The following ADGRV1 variants were observed in gnomAD, a reference collection of about 807,000 sequenced individuals.
The protein encoded by ADGRV1 is adhesion G protein-coupled receptor V1, also known as G-protein coupled receptor 98.
In ADGRV1, 359 loss-of-function variants were observed where a neutral mutation model predicts 596.2. The observed-to-expected ratio is 0.60, with a 90% CI of 0.55 to 0.66. The LOEUF (loss-of-function observed/expected upper bound fraction) is 0.66. ADGRV1 is among the 30% of genes least tolerant of loss of function. ADGRV1 has a pLI of 0.00. For missense variants in ADGRV1, 7,274 were observed against 7,575.6 expected, an observed-to-expected ratio of 0.96 and a Z score of 1.48; for synonymous variants, 2,681 against 2,679.2, an observed-to-expected ratio of 1.00 and a Z score of -0.02.
intron 77 of ADGRV1, among the ~76,000 whole-genome samples, chr5:90,834,748 T>C (rs1764814567): frequency 6.6e-6 from 1 of 152,018 alleles, no homozygotes; most frequent in Non-Finnish European, 1.5e-5. Context: ...TCTATCTCTC[T>C]CTTTACATCC....
intron 52 of ADGRV1, among the ~76,000 whole-genome samples, chr5:90,749,932 T>C (rs1252853576): frequency 2.6e-5 from 4 of 152,132 alleles, no homozygotes; most frequent in African/African-American, 4.8e-5. Context: ...GTAAAGGCCA[T>C]GAGCTAAGGA....
intron 61 of ADGRV1, among the ~76,000 whole-genome samples, chr5:90,777,186 AGGTGGAAGG>A (rs1353364032): frequency 1.3e-5 from 2 of 152,158 alleles, no homozygotes; most frequent in Non-Finnish European, 2.9e-5. Context: ...TGGCTGGAGC[AGGTGGAAGG>A]GGTGGAGGGG....
At chr5:90,838,871 C>T (rs893119074) in intron 77 of ADGRV1, among the ~76,000 whole-genome samples, 7 of 152,054 alleles carry the variant, frequency 4.6e-5, no homozygotes, top group African/African-American at 1.7e-4. Context: ...GAAAAAAAAC[C>T]CAAAATGAAA....
rs1392128069 is a variant in ADGRV1, at chr5:90,817,512, G to A, written c.16196+1776G>A. On this transcript the variant is annotated intron_variant, in intron 75 of 89. Coordinates refer to ENST00000405460, the MANE Select transcript of ADGRV1 (RefSeq NM_032119.4). ...CCATGCCTGTGTCCTGAATGGTAAT[G>A]CCTAGGTTTTCTTCTAGGGTTTTTA... Among the ~76,000 whole-genome samples the A allele has an allele frequency of 6.2e-3, 942 of 151,694 alleles. 5 individuals are homozygous for A. Among genetic ancestry groups the A allele is most frequent in the Middle Eastern group, 0.027 (8 of 294 alleles).
At chr5:91,102,773 G>C (rs1220963154) in intron 87 of ADGRV1, among the ~76,000 whole-genome samples, 1 of 152,192 alleles carries the variant, frequency 6.6e-6, no homozygotes, top group Non-Finnish European at 1.5e-5. Context: ...AGTGAAATGA[G>C]AGTGTTTGGT....
chr5:90,721,103 A>G, intron 45 of ADGRV1, 44 bp downstream of exon 45: 6 of 1,548,614 alleles, frequency 3.9e-6, no homozygotes, highest in South Asian at 3.5e-5. Context: ...TAACGAAAAA[A>G]TATTGCATGT....
chr5:90,770,525 T>C (rs1185003171), intron 59 of ADGRV1, among the ~76,000 whole-genome samples: 1 of 152,200 alleles, frequency 6.6e-6, no homozygotes. Context: ...TAGAAAGATT[T>C]TAATCTTTAG....
chr5:90,978,336 C>G (rs577816512), intron 84 of ADGRV1, among the ~76,000 whole-genome samples: 193 of 142,308 alleles, frequency 1.4e-3, no homozygotes, highest in African/African-American at 5.1e-3. Context: ...TTGTTTCATT[C>G]TTCCCCTCTT....
At chr5:90,997,480 C>A (rs1210398865) in intron 85 of ADGRV1, among the ~76,000 whole-genome samples, 3 of 152,138 alleles carry the variant, frequency 2.0e-5, no homozygotes, top group Non-Finnish European at 4.4e-5. Flanking sequence ...TCCTTTACAG[C>A]CTGCAGAACT....
At chr5:90,912,153 A>AG (rs1204872147) in intron 83 of ADGRV1, among the ~76,000 whole-genome samples, 3 of 152,090 alleles carry the variant, frequency 2.0e-5, no homozygotes, top group African/African-American at 7.2e-5. Flanking sequence ...TACGTGGAAA[A>AG]GAGAACCTTG....
At chr5:90,857,331 T>C (rs1252119145) in intron 82 of ADGRV1, among the ~76,000 whole-genome samples, 4 of 152,046 alleles carry the variant, frequency 2.6e-5, no homozygotes. Context: ...CATAGAGGCA[T>C]AGGTTTATGT....
At chr5:90,796,644 G>C (rs1185716686) in intron 70 of ADGRV1, among the ~76,000 whole-genome samples, 1 of 152,148 alleles carries the variant, frequency 6.6e-6, no homozygotes, top group Non-Finnish European at 1.5e-5. Context: ...TACCCCTTGA[G>C]AAGAGCAACC....
intron 67 of ADGRV1, 79 bp downstream of exon 67, chr5:90,784,136 T>A: frequency 1.2e-6 from 1 of 861,568 alleles, no homozygotes; most frequent in Non-Finnish European, 1.8e-6. Flanking sequence ...ATTGCCCAAG[T>A]ATATTTCTTT....
At position 90,787,943 on chromosome 5, in the gene ADGRV1, G is replaced by A. The variant is rs114901559; in HGVS notation, c.13654-128G>A. The A allele has an allele frequency of 8.2e-4, 485 of 590,932 alleles. 3 individuals carry two copies. The highest frequency in any genetic ancestry group is 7.9e-3 in the African/African-American group (412 of 52,210). The allele number at this position is 590,932 out of a possible 1,614,324, so 36.6% of individuals were successfully genotyped here. A position where few individuals can be genotyped will look rare whatever the true frequency, so the allele number is the denominator to read the frequency against. On this transcript the variant is annotated intron_variant, in intron 67 of 89. Coordinates refer to ENST00000405460, the MANE Select transcript of ADGRV1 (RefSeq NM_032119.4). ...AAACAAGTTTATGAAACAGGAATTT[G>A]ATGGAATTATCCTAGAATAATTTTC...
Position 90,991,986 on chromosome 5 carries a change from G to A in ADGRV1, c.18152+6464G>A, listed in dbSNP as rs17571071. On this transcript the variant is annotated intron_variant, in intron 85 of 89. Transcript: ENST00000405460. ...CAGGATCTCTTCATGCATTTGCTCA[G>A]GTAGGGATATATTACTGCCTGTGGG... 8.3e-3 allele frequency among the ~76,000 whole-genome samples: 1,268 copies of A among 152,356 alleles called. 5 individuals are homozygous for A. The highest frequency in any genetic ancestry group is 0.012 in the Non-Finnish European group (786 of 68,042).
At chr5:90,872,773 C>T (rs1768817950) in intron 83 of ADGRV1, among the ~76,000 whole-genome samples, 2 of 152,172 alleles carry the variant, frequency 1.3e-5, no homozygotes, top group Non-Finnish European at 2.9e-5. Flanking sequence ...TTCTCCACCC[C>T]TTTACAGAGG....
Position 90,696,988 on chromosome 5 carries a change from A to T in ADGRV1, c.7997A>T (p.Glu2666Val). 1 of 1,613,176 alleles carries T rather than the reference A, an allele frequency of 6.2e-7. No individual in the cohort carries two copies. Residue 2666 changes from glutamate (E) to valine (V), a missense_variant, in exon 34 of 90, where the codon GAG becomes GTG. Physicochemically the swap from Glu to Val is moderately radical, Grantham distance 121. This residue lies in a region of ADGRV1 where 3,643 missense variants were observed against 3,809.2 expected (regional missense o/e 0.96). Transcript: ENST00000405460. ...ILTILDDSEP[E>V]DDESIIVSLV... Reference sequence around the variant, plus strand: ...ACCATCTTGGATGACTCTGAACCAGAGGATGACGAAAGTATCATAGTTAGT... The same window carrying T: ...ACCATCTTGGATGACTCTGAACCAGTGGATGACGAAAGTATCATAGTTAGT...
At chr5:90,697,536 T>A (rs1490774604) in intron 34 of ADGRV1, among the ~76,000 whole-genome samples, 1 of 150,954 alleles carries the variant, frequency 6.6e-6, no homozygotes, top group Non-Finnish European at 1.5e-5. Flanking sequence ...GGGTAGCTGT[T>A]GGTATCAAAC....
chr5:91,078,472 T>C (rs1365594462), intron 86 of ADGRV1, among the ~76,000 whole-genome samples: 1 of 152,194 alleles, frequency 6.6e-6, no homozygotes, highest in Non-Finnish European at 1.5e-5. Context: ...GGAGACTAGT[T>C]CTCATCCTTT....
Sources: allele counts gnomAD v4.1 joint callset (sites outside exome capture counted in the v4.1 genomes callset), GRCh38; gene constraint gnomAD v4.1.1; regional missense constraint gnomAD v4.1.1; transcripts MANE v1.5; gene names NCBI Gene and HGNC (gene_info 2026-07-23, HGNC 2026-07-21).